The following MINDY3 variants were observed in gnomAD, a reference collection of about 807,000 sequenced individuals.
MINDY3 encodes ubiquitin carboxyl-terminal hydrolase MINDY-3.
A neutral mutation model predicts 69.2 loss-of-function variants in MINDY3; 38 were observed. That is an observed-to-expected ratio of 0.55 (90% CI 0.42 to 0.72). The LOEUF (loss-of-function observed/expected upper bound fraction) is 0.72, where lower values mean the gene tolerates loss of function less well. MINDY3 is among the 30% of genes least tolerant of loss of function. The probability of loss-of-function intolerance (pLI) is 0.00; values close to 1 mark genes in which losing one functional copy is unlikely to be tolerated. For synonymous variants in MINDY3, 192 were observed against 180.1 expected, an observed-to-expected ratio of 1.07 and a Z score of -0.53; for missense variants, 522 against 519.0, an observed-to-expected ratio of 1.01 and a Z score of -0.06.
At chr10:15,842,069 C>G (rs1455417391) in intron 3 of MINDY3, among the ~76,000 whole-genome samples, 1 of 151,734 alleles carries the variant, frequency 6.6e-6, no homozygotes, top group Non-Finnish European at 1.5e-5. Context: ...AGACCGTCAG[C>G]ACATATGTTA....
At chr10:15,823,540 T>C (rs766852074) in intron 8 of MINDY3, among the ~76,000 whole-genome samples, 1 of 152,192 alleles carries the variant, frequency 6.6e-6, no homozygotes, top group Non-Finnish European at 1.5e-5. Context: ...AAAAATGTTA[T>C]TTATGTTAAT....
chr10:15,829,558 C>A (rs1393847871), intron 8 of MINDY3, among the ~76,000 whole-genome samples: 2 of 152,194 alleles, frequency 1.3e-5, no homozygotes, highest in Admixed American at 1.3e-4. Flanking sequence ...AACACAGAGG[C>A]TCTTGAATGC....
rs1369309346 is a variant in MINDY3 at position 15,847,906 on chromosome 10, T to A, written c.132A>T (p.Glu44Asp). 1 of 1,613,926 alleles carries A rather than the reference T, an allele frequency of 6.2e-7. No homozygotes were observed. Among genetic ancestry groups the A allele is most frequent in the African/African-American group, 1.3e-5 (1 of 74,908 alleles). Residue 44 changes from glutamate to aspartate, a missense_variant, in exon 2 of 15, where the codon GAA becomes GAT. Physicochemically the swap from Glu to Asp is conservative, Grantham distance 45. Transcript: ENST00000277632. ...CAGCACAGGGGCCACCTTCAAACTGTTCTAATGCAGATCCCTCTGATTCAC... is the reference window on the plus strand; with the variant it reads ...CAGCACAGGGGCCACCTTCAAACTGATCTAATGCAGATCCCTCTGATTCAC... ...VFSESEGSAL[E>D]QFEGGPCAVI...
Position 15,847,890 on chromosome 10 carries a change from G to T in MINDY3, c.148C>A (p.Pro50Thr). 6.2e-7 allele frequency: 1 copy of T among 1,613,740 alleles called. No homozygotes were observed. Among genetic ancestry groups the T allele is most frequent in the South Asian group, 1.1e-5 (1 of 91,058 alleles). Residue 50 changes from proline (P) to threonine (T), a missense_variant, in exon 2 of 15, where the codon CCC (proline) becomes ACC (threonine). Physicochemically the swap from Pro to Thr is conservative, Grantham distance 38. Transcript: ENST00000277632. Reference sequence around the variant, plus strand: ...TGAACAGGTGCAATAACAGCACAGGGGCCACCTTCAAACTGTTCTAATGCA... The same window carrying T: ...TGAACAGGTGCAATAACAGCACAGGTGCCACCTTCAAACTGTTCTAATGCA... Reference protein sequence around the residue: ...GSALEQFEGGPCAVIAPVQAF... With the variant: ...GSALEQFEGGTCAVIAPVQAF...
At position 15,837,291 on chromosome 10, in the gene MINDY3, T is replaced by A. The variant is rs1833147204; in HGVS notation, c.489A>T (p.Glu163Asp). The change falls in exon 6 of 15, where the codon GAA (glutamate) becomes GAT (aspartate). Residue 163 changes from glutamate (E) to aspartate (D), a missense_variant. Coordinates refer to ENST00000277632, the MANE Select transcript of MINDY3 (RefSeq NM_024948.4). ...ACTGGTCCAAGACAGCATCTTTTAA[T>A]TCTGGTAAACTTCTGAACGATCTTT... ...IQKRSFRSLP[E>D]LKDAVLDQYS... 1.2e-6 allele frequency: 2 copies of A among 1,606,040 alleles called. No individual in the cohort carries two copies. The highest frequency in any genetic ancestry group is 1.3e-5 in the African/African-American group (1 of 74,496).
At chr10:15,818,926 C>A (rs766309688) in intron 9 of MINDY3, among the ~76,000 whole-genome samples, 1 of 151,970 alleles carries the variant, frequency 6.6e-6, no homozygotes, top group Admixed American at 6.6e-5. Flanking sequence ...TGCATTGCAT[C>A]GTGAATATAT....
chr10:15,785,815 A>G (rs1836915324), intron 13 of MINDY3, among the ~76,000 whole-genome samples: 2 of 152,176 alleles, frequency 1.3e-5, no homozygotes, highest in African/African-American at 4.8e-5. Flanking sequence ...AATTTTTTCT[A>G]TTTGTCAATA....
At chr10:15,829,622 C>A (rs962711479) in intron 8 of MINDY3, among the ~76,000 whole-genome samples, 2 of 152,098 alleles carry the variant, frequency 1.3e-5, no homozygotes, top group South Asian at 4.2e-4. Flanking sequence ...ATTGAAGGCA[C>A]TGAGCAGAGA....
chr10:15,815,029 A>G (rs1839260847), intron 10 of MINDY3, among the ~76,000 whole-genome samples: 1 of 152,184 alleles, frequency 6.6e-6, no homozygotes, highest in South Asian at 2.1e-4. Flanking sequence ...TATATTCAAC[A>G]CTTTTAGTTT....
At chr10:15,780,773 C>T (rs1276707863) in intron 14 of MINDY3, among the ~76,000 whole-genome samples, 1 of 152,086 alleles carries the variant, frequency 6.6e-6, no homozygotes, top group South Asian at 2.1e-4. Flanking sequence ...TATTTGTTTT[C>T]TAATCTTTTT....
chr10:15,855,538 G>A (rs1294693055), intron 1 of MINDY3, among the ~76,000 whole-genome samples: 1 of 152,002 alleles, frequency 6.6e-6, no homozygotes, highest in Non-Finnish European at 1.5e-5. Flanking sequence ...ACATTACACA[G>A]TACTACAGAT....
intron 11 of MINDY3, among the ~76,000 whole-genome samples, chr10:15,791,748 T>C (rs1837436818): frequency 6.6e-6 from 1 of 152,124 alleles, no homozygotes; most frequent in South Asian, 2.1e-4. Context: ...GGAGCGCTGA[T>C]GAAGGACAGT....
chr10:15,838,247 G>A lies in MINDY3; in HGVS notation c.442C>T (p.Arg148Ter), dbSNP rs779492480. The change falls in exon 5 of 15, where the codon CGA (arginine) becomes TGA (stop). Residue 148 changes from arginine to a stop codon, truncating the protein, a stop_gained. Coordinates refer to ENST00000277632, the MANE Select transcript of MINDY3 (RefSeq NM_024948.4). LOFTEE classifies it high-confidence loss of function. Reference sequence around the variant, plus strand: ...ACTTACTGAATTAATGCATGAAATCGCTCAAAGCCAAGCTCTTCGACAGCC... The same window carrying A: ...ACTTACTGAATTAATGCATGAAATCACTCAAAGCCAAGCTCTTCGACAGCC... ...ALAVEELGFE[R>*]FHALIQKRSF... 4.4e-6 allele frequency: 7 copies of A among 1,602,422 alleles called. No individual in the cohort carries two copies. Among genetic ancestry groups the A allele is most frequent in the Admixed American group, 1.7e-5 (1 of 57,266 alleles).
intron 8 of MINDY3, among the ~76,000 whole-genome samples, chr10:15,828,850 A>G (rs548402385): frequency 1.1e-4 from 17 of 152,360 alleles, no homozygotes; most frequent in African/African-American, 4.1e-4. Flanking sequence ...ACAACATAGT[A>G]GGAGGCAGGC....
rs1296588215 is a variant in MINDY3 at position 15,778,818 on chromosome 10, T to C, written c.*174A>G. The C allele has an allele frequency of 9.5e-6, 5 of 526,804 alleles. No homozygotes were observed. Among genetic ancestry groups the C allele is most frequent in the Non-Finnish European group, 1.6e-5 (5 of 315,734 alleles). The allele number at this position is 526,804 out of a possible 1,614,324, so 32.6% of individuals were successfully genotyped here. A position where few individuals can be genotyped will look rare whatever the true frequency, so the allele number is the denominator to read the frequency against. On this transcript the variant is annotated 3_prime_UTR_variant, in exon 15 of 15. Coordinates refer to ENST00000277632, the MANE Select transcript of MINDY3 (RefSeq NM_024948.4). ...GGGTAAAATAGGATAATCTTTAACA[T>C]AAAGCTTTAGGACAAATAATTTAAA...
At chr10:15,796,427 C>T (rs534256102) in intron 10 of MINDY3, among the ~76,000 whole-genome samples, 1 of 149,926 alleles carries the variant, frequency 6.7e-6, no homozygotes, top group East Asian at 2.0e-4. Context: ...ATACTTAAAA[C>T]ACTGGGGAAA....
chr10:15,822,332 CTG>C (rs1454711655), intron 8 of MINDY3, among the ~76,000 whole-genome samples: 8 of 152,042 alleles, frequency 5.3e-5, no homozygotes, highest in African/African-American at 1.9e-4. Context: ...TGTGGTCTCT[CTG>C]TACACACACA....
At chr10:15,830,538 G>A (rs969832559) in intron 8 of MINDY3, among the ~76,000 whole-genome samples, 6 of 152,190 alleles carry the variant, frequency 3.9e-5, no homozygotes, top group African/African-American at 1.4e-4. Context: ...AGTCTTGAGT[G>A]CTGTAATACA....
At chr10:15,830,447 G>T (rs562561549) in intron 8 of MINDY3, among the ~76,000 whole-genome samples, 1 of 152,146 alleles carries the variant, frequency 6.6e-6, no homozygotes, top group African/African-American at 2.4e-5. Context: ...AATAAATGGC[G>T]CAACTGAGAT....
Sources: gnomAD v4.1 joint callset for allele counts (sites outside exome capture counted in the v4.1 genomes callset) on GRCh38, gnomAD v4.1.1 for gene constraint, MANE v1.5 for transcripts, NCBI Gene and HGNC (gene_info 2026-07-23, HGNC 2026-07-21) for gene names.